Variants in FLG2 observed in about 807,000 individuals in gnomAD.
The protein encoded by FLG2 is filaggrin 2.
In FLG2, 7 loss-of-function variants were observed where a neutral mutation model predicts 3.9. The observed-to-expected ratio is 1.79, with a 90% CI of 1.02 to 3.36. The LOEUF (loss-of-function observed/expected upper bound fraction) is 3.36, where lower values mean the gene tolerates loss of function less well. Ranked by LOEUF, FLG2 falls within the 30% of genes most tolerant of loss-of-function variation. The pLI is 0.00. For synonymous variants in FLG2, 1,031 were observed against 1,056.1 expected (o/e 0.98, Z 0.46); for missense variants, 2,700 against 2,809.4 (o/e 0.96, Z 0.88).
chr1:152,350,559 T>C lies in FLG2; in HGVS notation c.*51A>G. The C allele has an allele frequency of 1.3e-6, 2 of 1,558,182 alleles. No individual in the cohort carries two copies. The highest frequency in any genetic ancestry group is 1.3e-5 in the South Asian group (1 of 79,570). On this transcript the variant is annotated 3_prime_UTR_variant, in exon 3 of 3. Coordinates refer to ENST00000388718, the MANE Select transcript of FLG2 (RefSeq NM_001014342.3). ...GTTCATGATTTAAACTGTGTCTTCC[T>C]GTTCTTTTAGTTGCTTTGGATACTA...
rs1557894139 is a variant in FLG2 at position 152,351,285 on chromosome 1, C to CTG, written c.6499_6500dup (p.Gln2167HisfsTer236). 40 of 1,613,876 alleles carry CTG rather than the reference C, an allele frequency of 2.5e-5. No individual in the cohort carries two copies. Among genetic ancestry groups the CTG allele is most frequent in the Non-Finnish European group, 3.4e-5 (40 of 1,179,996 alleles). ...GTCTTCCAGTTGTCCTGGAACCTGT[C>CTG]TGTGTGGACTGTCCATGACCAGACT... On this transcript the variant is annotated frameshift_variant, in exon 3 of 3. Transcript: ENST00000388718. LOFTEE classifies it low-confidence loss of function (END_TRUNC).
At position 152,354,704 on chromosome 1, in the gene FLG2, G is replaced by T. The variant is rs1654125179; in HGVS notation, c.3082C>A (p.His1028Asn). 1.2e-6 allele frequency: 2 copies of T among 1,613,858 alleles called. No homozygotes were observed. The highest frequency in any genetic ancestry group is 3.3e-5 in the Admixed American group (2 of 59,978). The change falls in exon 3 of 3, where the codon CAC (histidine) becomes AAC (asparagine). Residue 1028 changes from histidine to asparagine, a missense_variant. His to Asn is a moderately conservative substitution (Grantham distance 68). Coordinates refer to ENST00000388718, the MANE Select transcript of FLG2 (RefSeq NM_001014342.3). ...GAGTATTGGCCTGAGCTTGACCTGT[G>T]TTGTCCAAAGCCAGTTGTCTGTCCT... ...SSGQTTGFGQ[H>N]RSSSGQYSGF... is the part of the protein sequence containing the mutation.
intron 2 of FLG2, 25 bp from the exon 3 acceptor site, chr1:152,357,672 G>A: frequency 6.4e-6 from 10 of 1,561,004 alleles, no homozygotes; most frequent in Non-Finnish European, 6.1e-6. Flanking sequence ...CACACCAAGG[G>A]AGACCTGGTC....
At chr1:152,358,667 C>T (rs1379388583) in intron 2 of FLG2, 80 bp downstream of exon 2, 1 of 1,426,642 alleles carries the variant, frequency 7.0e-7, no homozygotes, top group East Asian at 2.4e-5. Flanking sequence ...TGGGGCTGTG[C>T]ACTTTTTAGC....
Position 152,350,841 on chromosome 1 carries a change from G to A in FLG2, c.6945C>T (p.Ser2315=), listed in dbSNP as rs1308578946. 6.2e-7 allele frequency: 1 copy of A among 1,614,178 alleles called. No individual in the cohort carries two copies. The highest frequency in any genetic ancestry group is 1.1e-5 in the South Asian group (1 of 91,080). Residue 2315 remains serine (S), a synonymous_variant, in exon 3 of 3, where the codon TCC becomes TCT. Transcript: ENST00000388718. Reference sequence around the variant, plus strand: ...TACTAGATCTGGAACCTGTCTGTGTGGATTGTCCATAACCAGAATGGCCAT... The same window carrying A: ...TACTAGATCTGGAACCTGTCTGTGTAGATTGTCCATAACCAGAATGGCCAT... ...TRHGHSGYGQ[S]TQTGSRSSRA...
Position 152,354,118 on chromosome 1 carries a change from G to A in FLG2, c.3668C>T (p.Ser1223Phe). 1 of 1,614,256 alleles carries A rather than the reference G, an allele frequency of 6.2e-7. No individual in the cohort carries two copies. The highest frequency in any genetic ancestry group is 8.5e-7 in the Non-Finnish European group (1 of 1,180,046). Residue 1223 changes from serine (S) to phenylalanine (F), a missense_variant, in exon 3 of 3, where the codon TCT becomes TTT. Transcript: ENST00000388718. Reference protein sequence around the residue: ...GQSTGLGQGESQQVESGSTVH... With the variant: ...GQSTGLGQGEFQQVESGSTVH... ...TGTGGATCCTGACTCTACTTGTTGA[G>A]ATTCACCCTGGCCCAAGCCAGTTGA... is the stretch of plus-strand genomic sequence containing the variant.
At chr1:152,358,707 A>G in intron 2 of FLG2, 40 bp downstream of exon 2, 2 of 1,595,924 alleles carry the variant, frequency 1.3e-6, no homozygotes, top group Non-Finnish European at 1.7e-6. Flanking sequence ...GAGCTTGTAC[A>G]GGACTCCAGC....
At position 152,357,179 on chromosome 1, in the gene FLG2, C is replaced by G. The variant is rs769318965; in HGVS notation, c.607G>C (p.Glu203Gln). The G allele has an allele frequency of 6.2e-7, 1 of 1,614,046 alleles. No homozygotes were observed. The highest frequency in any genetic ancestry group is 1.3e-5 in the African/African-American group (1 of 74,924). Residue 203 changes from glutamate to glutamine, a missense_variant, in exon 3 of 3, where the codon GAA (glutamate) becomes CAA (glutamine). By Grantham distance (29) the Glu-to-Gln change is conservative. Transcript: ENST00000388718. The stretch of plus-strand genomic sequence containing the variant: ...GACTTGTTTATTCTTTCTCTCAGTT[C>G]TACAGAGCTGGAACCATGTCTGTCT... ...GKDRHGSSSV[E>Q]LRERINKSHI...
rs746957602 is a variant in FLG2 at position 152,355,538 on chromosome 1, A to T, written c.2248T>A (p.Ser750Thr). The change falls in exon 3 of 3, where the codon TCT (serine) becomes ACT (threonine). Residue 750 changes from serine to threonine, a missense_variant. Physicochemically the swap from Ser to Thr is moderately conservative, Grantham distance 58. Transcript: ENST00000388718. ...AAGCCAGAGGATTGTCCTGAGCCAG[A>T]CCCATGTTGTCCAAAGCCAGAGGAC... ...GQSSGFGQHG[S>T]GSGQSSGFGQ... 5 of 1,612,520 alleles carry T rather than the reference A, an allele frequency of 3.1e-6. No homozygotes were observed. Among genetic ancestry groups the T allele is most frequent in the African/African-American group, 1.3e-5 (1 of 74,338 alleles).
Position 152,356,681 on chromosome 1 carries a change from G to T in FLG2, c.1105C>A (p.Gln369Lys), listed in dbSNP as rs1467973652. The T allele has an allele frequency of 6.2e-7, 1 of 1,614,066 alleles. No individual in the cohort carries two copies. Among genetic ancestry groups the T allele is most frequent in the African/African-American group, 1.3e-5 (1 of 74,914 alleles). The change falls in exon 3 of 3, where the codon CAA becomes AAA. Residue 369 changes from glutamine (Q) to lysine (K), a missense_variant. Coordinates refer to ENST00000388718, the MANE Select transcript of FLG2 (RefSeq NM_001014342.3). ...ENGQPQNCGG[Q>K]WRTGSSQSSC... ...GACTGACTTGAGCCTGTTCTCCATTGTCCTCCACAGTTCTGTGGTTGACCA... is the reference window on the plus strand; with the variant it reads ...GACTGACTTGAGCCTGTTCTCCATTTTCCTCCACAGTTCTGTGGTTGACCA...
At position 152,353,735 on chromosome 1, in the gene FLG2, T is replaced by G. The variant is rs1416986146; in HGVS notation, c.4051A>C (p.Thr1351Pro). ...GRQRFSHSDA[T>P]DSEVHSGVSH... The stretch of plus-strand genomic sequence containing the variant: ...ACCCCTGAGTGCACTTCACTGTCAG[T>G]GGCATCACTGTGGCTAAATCTCTGT... Residue 1351 changes from threonine (T) to proline (P), a missense_variant, in exon 3 of 3, where the codon ACT becomes CCT. Coordinates refer to ENST00000388718, the MANE Select transcript of FLG2 (RefSeq NM_001014342.3). 1.2e-6 allele frequency: 2 copies of G among 1,614,178 alleles called. No homozygotes were observed.
chr1:152,353,873 A>G lies in FLG2; in HGVS notation c.3913T>C (p.Ser1305Pro). 6.2e-7 allele frequency: 1 copy of G among 1,613,890 alleles called. No homozygotes were observed. Among genetic ancestry groups the G allele is most frequent in the Non-Finnish European group, 8.5e-7 (1 of 1,179,970 alleles). ...GTTCCTTGTCTTCTGCGAACTGTGG[A>G]TCCTGACTTTGGGTAGTGAGATCCA... ...QAGSHYPKSG[S>P]TVRRRQGTTH... The change falls in exon 3 of 3, where the codon TCC becomes CCC. Residue 1305 changes from serine (S) to proline (P), a missense_variant. Ser to Pro is a moderately conservative substitution (Grantham distance 74). Transcript: ENST00000388718.
In FLG2 at chr1:152,353,557, G is replaced by A; in HGVS notation, c.4229C>T (p.Thr1410Ile). Residue 1410 changes from threonine to isoleucine, a missense_variant, in exon 3 of 3, where the codon ACA (threonine) becomes ATA (isoleucine). Thr to Ile is a moderately conservative substitution (Grantham distance 89). Coordinates refer to ENST00000388718, the MANE Select transcript of FLG2 (RefSeq NM_001014342.3). ...GHGHSGHGQSTQRGSRTTGRR... is the reference protein window; with the variant it reads ...GHGHSGHGQSIQRGSRTTGRR... ...TCCAGTTGTCCTGGACCCTCTCTGT[G>A]TGGACTGTCCATGACCAGAGTGGCC... 7 of 1,614,002 alleles carry A rather than the reference G, an allele frequency of 4.3e-6. No individual in the cohort carries two copies. The highest frequency in any genetic ancestry group is 1.1e-5 in the South Asian group (1 of 91,076).
chr1:152,355,435 C>T lies in FLG2; in HGVS notation c.2351G>A (p.Gly784Asp). 6.2e-7 allele frequency: 1 copy of T among 1,612,338 alleles called. No individual in the cohort carries two copies. The highest frequency in any genetic ancestry group is 8.5e-7 in the Non-Finnish European group (1 of 1,179,726). The change falls in exon 3 of 3, where the codon GGC becomes GAC. Residue 784 changes from glycine to aspartate, a missense_variant. Gly to Asp is a moderately conservative substitution (Grantham distance 94, BLOSUM62 -1). Transcript: ENST00000388718. ...AGATGTCTGTCTAGACCCATGTTGG[C>T]CATAGCCAGATGACTGACTTGAGCC... Reference protein sequence around the residue: ...SSGSSQSSGYGQHGSRQTSGF... With the variant: ...SSGSSQSSGYDQHGSRQTSGF...
rs202005107 is a variant in FLG2 at position 152,354,551 on chromosome 1, G to A, written c.3235C>T (p.His1079Tyr). ...SRSRQSSYGQ[H>Y]GSGSSQSSGY... The stretch of plus-strand genomic sequence containing the variant: ...GATGATTGACTTGAGCCAGAACCAT[G>A]TTGGCCATAGCTAGACTGACGTGAT... Residue 1079 changes from histidine (H) to tyrosine (Y), a missense_variant, in exon 3 of 3, where the codon CAT becomes TAT. Coordinates refer to ENST00000388718, the MANE Select transcript of FLG2 (RefSeq NM_001014342.3). 2 of 1,614,040 alleles carry A rather than the reference G, an allele frequency of 1.2e-6. No individual in the cohort carries two copies. Among genetic ancestry groups the A allele is most frequent in the Non-Finnish European group, 1.7e-6 (2 of 1,180,012 alleles).
chr1:152,349,413 G>A lies in FLG2; in HGVS notation c.*1197C>T, dbSNP rs1653819929. ...ACCCATCTTGGCCTCCCAAAGTGCTGGGATTACAGGCGTGAGCCACCGCGC... is the reference window on the plus strand; with the variant it reads ...ACCCATCTTGGCCTCCCAAAGTGCTAGGATTACAGGCGTGAGCCACCGCGC... On this transcript the variant is annotated 3_prime_UTR_variant, in exon 3 of 3. Transcript: ENST00000388718. 1 of 152,166 alleles carries A rather than the reference G, an allele frequency of 6.6e-6. No individual in the cohort carries two copies. The highest frequency in any genetic ancestry group is 6.5e-5 in the Admixed American group (1 of 15,280). The allele number at this position is 152,166 out of a possible 1,614,324, so 9.4% of individuals were successfully genotyped here.
Position 152,351,957 on chromosome 1 carries a change from T to A in FLG2, c.5829A>T (p.Thr1943=), listed in dbSNP as rs1263100003. The change falls in exon 3 of 3, where the codon ACA becomes ACT. Residue 1943 remains threonine (T), a synonymous_variant. Transcript: ENST00000388718. ...GHPSHGQTIQ[T]GSRTTGRRGS... is the part of the protein sequence containing the mutation. ...CCCTTCTTCCAGTTGTCCTGGACCC[T>A]GTCTGTATGGTTTGTCCATGACTAG... The A allele has an allele frequency of 2.5e-6, 4 of 1,613,848 alleles. No homozygotes were observed. Among genetic ancestry groups the A allele is most frequent in the Non-Finnish European group, 3.4e-6 (4 of 1,179,934 alleles).
At position 152,357,572 on chromosome 1, in the gene FLG2, T is replaced by G. The variant is rs746616567; in HGVS notation, c.214A>C (p.Thr72Pro). The part of the protein sequence containing the change: ...DRDHDRRLDF[T>P]EFLLMIFKLT... Reference sequence around the variant, plus strand: ...TTGAATATCATCAAAAGAAACTCAGTAAAGTCCAATCTTCTGTCATGATCT... The same window carrying G: ...TTGAATATCATCAAAAGAAACTCAGGAAAGTCCAATCTTCTGTCATGATCT... Residue 72 changes from threonine to proline, a missense_variant, in exon 3 of 3, where the codon ACT becomes CCT. By Grantham distance (38) the Thr-to-Pro change is conservative. Transcript: ENST00000388718. 8 of 1,613,996 alleles carry G rather than the reference T, an allele frequency of 5.0e-6. No individual in the cohort carries two copies.
Position 152,353,821 on chromosome 1 carries a change from G to A in FLG2, c.3965C>T (p.Thr1322Ile). ...TCCATGACCAGAATGGCCATGTCTA[G>A]TGGTATCTCCTCTCTGTCCATGAGT... ...GTTHGQRGDT[T>I]RHGHSGHGQS... is the part of the protein sequence containing the mutation. The change falls in exon 3 of 3, where the codon ACT becomes ATT. Residue 1322 changes from threonine to isoleucine, a missense_variant. Physicochemically the swap from Thr to Ile is moderately conservative, Grantham distance 89. Coordinates refer to ENST00000388718, the MANE Select transcript of FLG2 (RefSeq NM_001014342.3). The A allele has an allele frequency of 6.2e-7, 1 of 1,614,136 alleles. No homozygotes were observed. The highest frequency in any genetic ancestry group is 8.5e-7 in the Non-Finnish European group (1 of 1,179,990).
Sources: allele counts gnomAD v4.1 joint callset, GRCh38; gene constraint gnomAD v4.1.1; transcripts MANE v1.5; gene names NCBI Gene and HGNC (gene_info 2026-07-23, HGNC 2026-07-21).